MALRD1: variants seen among roughly 807,000 people sequenced by gnomAD.
MALRD1 encodes MAM and LDL receptor class A domain containing 1, also known as MAM and LDL-receptor class A domain-containing protein 1.
MALRD1 carries 247 observed loss-of-function variants against 242.1 expected under a neutral mutation model. That is an observed-to-expected ratio of 1.02 (90% CI 0.92 to 1.13). The LOEUF is 1.13. MALRD1 is among the 50% of genes most tolerant of loss of function. MALRD1 has a pLI of 0.00. For synonymous variants in MALRD1, 995 were observed against 866.6 expected (o/e 1.15, Z -2.60); for missense variants, 2,989 against 2,533.1 (o/e 1.18, Z -3.86).
chr10:19,252,060 C>T (rs1839315060), intron 18 of MALRD1, among the ~76,000 whole-genome samples: 1 of 152,004 alleles, frequency 6.6e-6, no homozygotes, highest in African/African-American at 2.4e-5. Context: ...AACCTCTTTT[C>T]TTTATAGATT....
chr10:19,060,454 C>G (rs919234669), intron 1 of MALRD1, among the ~76,000 whole-genome samples: 5 of 152,090 alleles, frequency 3.3e-5, no homozygotes, highest in African/African-American at 1.2e-4. Context: ...TCTCTGGTCC[C>G]TTCCCCCAAT....
intron 18 of MALRD1, among the ~76,000 whole-genome samples, chr10:19,255,683 G>A (rs1270980304): frequency 6.6e-6 from 1 of 152,020 alleles, no homozygotes. Context: ...TTAGAGGTTA[G>A]CAAATTGAAG....
intron 12 of MALRD1, among the ~76,000 whole-genome samples, chr10:19,160,126 C>T (rs1834334016): frequency 6.6e-6 from 1 of 152,106 alleles, no homozygotes; most frequent in Non-Finnish European, 1.5e-5. Context: ...TTTTTATTAA[C>T]ATTTTACTTA....
intron 18 of MALRD1, among the ~76,000 whole-genome samples, chr10:19,216,928 A>G (rs2131648502): frequency 6.6e-6 from 1 of 150,626 alleles, no homozygotes; most frequent in African/African-American, 2.4e-5. Context: ...CCTGGGTGAC[A>G]GAGCGAGACT....
intron 36 of MALRD1, among the ~76,000 whole-genome samples, chr10:19,634,410 A>AT (rs1247660066): frequency 6.6e-6 from 1 of 152,072 alleles, no homozygotes; most frequent in Non-Finnish European, 1.5e-5. Flanking sequence ...AATTAGGCCC[A>AT]TTTTTGTGAC....
At chr10:19,719,297 G>A (rs1282208794) in intron 38 of MALRD1, among the ~76,000 whole-genome samples, 1 of 139,272 alleles carries the variant, frequency 7.2e-6, no homozygotes, top group Non-Finnish European at 1.5e-5. Flanking sequence ...TTCCTGCTAG[G>A]CATCTGGTTT....
Position 19,128,447 on chromosome 10 carries a change from G to A in MALRD1, c.1110+60G>A, listed in dbSNP as rs1486162366. 37 of 1,155,900 alleles carry A rather than the reference G, an allele frequency of 3.2e-5. No homozygotes were observed. The East Asian group carries it at 1.1e-3, about 34-fold the overall frequency. 71.6% of individuals were successfully genotyped at this position (1,155,900 alleles called of 1,614,324 possible). ...GAATCAATGAAGTTTCTAACTCTTG[G>A]CAACTTGTGTTTCGATTTCTCAGTT... is the stretch of plus-strand genomic sequence containing the variant. On this transcript the variant is annotated intron_variant, in intron 8 of 39. Coordinates refer to ENST00000454679, the MANE Select transcript of MALRD1 (RefSeq NM_001142308.3).
chr10:19,326,987 A>G (rs540125363), intron 22 of MALRD1, among the ~76,000 whole-genome samples: 4 of 152,116 alleles, frequency 2.6e-5, no homozygotes, highest in South Asian at 2.1e-4. Context: ...AGTAATCTGG[A>G]TTCTGCTTTA....
intron 29 of MALRD1, among the ~76,000 whole-genome samples, chr10:19,484,483 G>A (rs1837156865): frequency 6.6e-6 from 1 of 151,882 alleles, no homozygotes; most frequent in South Asian, 2.1e-4. Flanking sequence ...TCTTAAATAA[G>A]GAGTATTATT....
chr10:19,123,107 G>A (rs938971699), intron 5 of MALRD1, among the ~76,000 whole-genome samples: 14 of 152,138 alleles, frequency 9.2e-5, no homozygotes, highest in African/African-American at 2.9e-4. Flanking sequence ...TTTAAGGGGC[G>A]CCATATCTTG....
intron 22 of MALRD1, among the ~76,000 whole-genome samples, chr10:19,326,708 T>A (rs1312863404): frequency 6.6e-6 from 1 of 152,114 alleles, no homozygotes. Flanking sequence ...ATTTTAAAAA[T>A]GTGAATTTAA....
chr10:19,231,612 C>A (rs953970816), intron 18 of MALRD1, among the ~76,000 whole-genome samples: 1 of 152,114 alleles, frequency 6.6e-6, no homozygotes, highest in African/African-American at 2.4e-5. Context: ...GGGAGTTTCC[C>A]TACACAAGCT....
At chr10:19,336,448 A>G (rs1843618006) in intron 24 of MALRD1, among the ~76,000 whole-genome samples, 1 of 152,198 alleles carries the variant, frequency 6.6e-6, no homozygotes, top group South Asian at 2.1e-4. Context: ...TCACAGCTTC[A>G]GATATGTATC....
chr10:19,635,160 A>G (rs966426975), intron 36 of MALRD1, among the ~76,000 whole-genome samples: 1 of 152,300 alleles, frequency 6.6e-6, no homozygotes, highest in African/African-American at 2.4e-5. Flanking sequence ...ACCTAAGGAA[A>G]GTAACCCTAA....
intron 34 of MALRD1, among the ~76,000 whole-genome samples, chr10:19,607,323 A>G (rs987786481): frequency 6.6e-6 from 1 of 152,178 alleles, no homozygotes; most frequent in Non-Finnish European, 1.5e-5. Context: ...ATCAACGTGT[A>G]GGCAGGTTTG....
intron 7 of MALRD1, among the ~76,000 whole-genome samples, chr10:19,125,957 T>G (rs902533728): frequency 1.3e-5 from 2 of 152,270 alleles, no homozygotes; most frequent in Non-Finnish European, 2.9e-5. Flanking sequence ...AGAAAAGATC[T>G]GTGGTGATGA....
intron 28 of MALRD1, among the ~76,000 whole-genome samples, chr10:19,439,531 C>A (rs1219640205): frequency 2.0e-5 from 2 of 99,814 alleles, no homozygotes; most frequent in Non-Finnish European, 4.5e-5. Context: ...AAGCAAGACC[C>A]TGTCTCAAAA....
intron 35 of MALRD1, among the ~76,000 whole-genome samples, chr10:19,610,375 T>C (rs1191804499): frequency 6.6e-6 from 1 of 151,952 alleles, no homozygotes; most frequent in African/African-American, 2.4e-5. Flanking sequence ...CTGTCCTTTT[T>C]CTCCTCTCTC....
At chr10:19,284,540 T>C (rs1252028629) in intron 21 of MALRD1, among the ~76,000 whole-genome samples, 3 of 151,396 alleles carry the variant, frequency 2.0e-5, no homozygotes, top group South Asian at 2.1e-4. Flanking sequence ...CTGAGAATGA[T>C]GGTTTCCAGT....
Sources: gnomAD v4.1 joint callset for allele counts (sites outside exome capture counted in the v4.1 genomes callset) on GRCh38, gnomAD v4.1.1 for gene constraint, MANE v1.5 for transcripts, NCBI Gene and HGNC (gene_info 2026-07-23, HGNC 2026-07-21) for gene names.